SEPTIN14: variants seen among roughly 807,000 people sequenced by gnomAD.
The protein encoded by SEPTIN14 is septin-14.
A neutral mutation model predicts 53.6 loss-of-function variants in SEPTIN14; 40 were observed. That is an observed-to-expected ratio of 0.75 (90% confidence interval 0.58 to 0.97). The LOEUF is 0.97. SEPTIN14 is among the 50% of genes least tolerant of loss of function. The probability of loss-of-function intolerance (pLI) is 0.00; values close to 1 mark genes in which losing one functional copy is unlikely to be tolerated. For synonymous variants in SEPTIN14, 138 were observed against 166.8 expected (o/e 0.83, Z 1.33); for missense variants, 471 against 508.2 (o/e 0.93, Z 0.70).
chr7:55,852,139 CA>C (rs61390006), intron 2 of SEPTIN14, among the ~76,000 whole-genome samples: 34,368 of 115,372 alleles, frequency 0.3, 4,638 homozygotes, highest in East Asian at 0.49. Context: ...GAGACTCTGT[CA>C]AAAAAAAAAA....
chr7:55,824,086 G>C (rs1219779239), intron 6 of SEPTIN14, among the ~76,000 whole-genome samples: 1 of 152,058 alleles, frequency 6.6e-6, no homozygotes, highest in Non-Finnish European at 1.5e-5. Context: ...ATTTAGCAAT[G>C]ACTTCATCGA....
At chr7:55,819,931 A>G (rs2098202234) in intron 6 of SEPTIN14, among the ~76,000 whole-genome samples, 1 of 151,748 alleles carries the variant, frequency 6.6e-6, no homozygotes, top group African/African-American at 2.4e-5. Context: ...AACAACTACA[A>G]CTATTATAAT....
At chr7:55,803,917 G>A (rs1422759258) in intron 9 of SEPTIN14, among the ~76,000 whole-genome samples, 1 of 149,080 alleles carries the variant, frequency 6.7e-6, no homozygotes. Flanking sequence ...GAGGTCAGGA[G>A]ATCGAGATCA....
In SEPTIN14 at chr7:55,834,472, G is replaced by A; in HGVS notation, c.673C>T (p.Leu225Phe). ...LISNGIQIYQ[L>F]PTDEETAAQA... ...GCAGCAGTTTCTTCATCTGTTGGGA[G>A]CTGATATATCTGGATGCCATTGCTA... is the stretch of plus-strand genomic sequence containing the variant. The change falls in exon 6 of 10, where the codon CTC becomes TTC. Residue 225 changes from leucine to phenylalanine, a missense_variant. By Grantham distance (22) the Leu-to-Phe change is conservative. Transcript: ENST00000388975. 2 of 1,612,864 alleles carry A rather than the reference G, an allele frequency of 1.2e-6. No homozygotes were observed. Among genetic ancestry groups the A allele is most frequent in the South Asian group, 2.2e-5 (2 of 90,918 alleles).
chr7:55,847,377 T>C (rs1166744770), intron 2 of SEPTIN14, among the ~76,000 whole-genome samples: 1 of 152,170 alleles, frequency 6.6e-6, no homozygotes, highest in Non-Finnish European at 1.5e-5. Context: ...CCACACATGT[T>C]AATCCAGATG....
intron 7 of SEPTIN14, among the ~76,000 whole-genome samples, chr7:55,809,869 G>C (rs1429104637): frequency 8.3e-6 from 1 of 120,468 alleles, no homozygotes; most frequent in Non-Finnish European, 1.6e-5. Flanking sequence ...GTCTCACTCT[G>C]TTGCCCAGGC....
chr7:55,845,565 A>G (rs1789388011), intron 3 of SEPTIN14, among the ~76,000 whole-genome samples: 1 of 152,232 alleles, frequency 6.6e-6, no homozygotes, highest in South Asian at 2.1e-4. Context: ...CATCATAAAA[A>G]AATGATAAGT....
At chr7:55,817,409 A>G (rs1788810951) in intron 7 of SEPTIN14, among the ~76,000 whole-genome samples, 1 of 151,888 alleles carries the variant, frequency 6.6e-6, no homozygotes, top group Non-Finnish European at 1.5e-5. Context: ...AGGTAAGAAC[A>G]AGTTAAAGAG....
intron 9 of SEPTIN14, 95 bp from the exon 10 acceptor site, chr7:55,796,187 C>A: frequency 2.6e-6 from 2 of 769,196 alleles, no homozygotes; most frequent in Non-Finnish European, 4.4e-6. Flanking sequence ...AAACCCAAAT[C>A]ATCACAGTAG....
chr7:55,835,255 T>G (rs529632458), intron 5 of SEPTIN14, among the ~76,000 whole-genome samples: 2 of 151,892 alleles, frequency 1.3e-5, no homozygotes, highest in African/African-American at 4.8e-5. Context: ...GGCTCTGGAG[T>G]GCAGTAGCGC....
chr7:55,835,781 C>T (rs1789195229), intron 5 of SEPTIN14, among the ~76,000 whole-genome samples: 1 of 151,970 alleles, frequency 6.6e-6, no homozygotes. Flanking sequence ...CTTGCTCTGT[C>T]GCCCAGGCTG....
At chr7:55,802,939 A>AT (rs552397102) in intron 9 of SEPTIN14, among the ~76,000 whole-genome samples, 223 of 148,940 alleles carry the variant, frequency 1.5e-3, no homozygotes, top group East Asian at 2.2e-3. Context: ...ATGAAACTGA[A>AT]CTTTTTTTTT....
At position 55,835,352 on chromosome 7, in the gene SEPTIN14, A is replaced by G. The variant is rs553493334; in HGVS notation, c.559-766T>C. ...CGAGTAGCTGGGACTACAGGCGCCC[A>G]CCACCATGCCCGGCTACTTTTTGGT... On this transcript the variant is annotated intron_variant, in intron 5 of 9. Transcript: ENST00000388975. Among the ~76,000 whole-genome samples the G allele has an allele frequency of 2.2e-3, 337 of 151,408 alleles. 2 individuals are homozygous for G. The highest frequency in any genetic ancestry group is 7.8e-3 in the African/African-American group (323 of 41,256).
chr7:55,810,840 C>T, intron 7 of SEPTIN14: 1 of 300,428 alleles, frequency 3.3e-6, no homozygotes, highest in Admixed American at 4.0e-5. Flanking sequence ...CATGAAGACC[C>T]TCGAGTCAAA....
intron 7 of SEPTIN14, among the ~76,000 whole-genome samples, chr7:55,808,014 AT>A (rs1321026200): frequency 6.6e-6 from 1 of 152,210 alleles, no homozygotes. Context: ...TAAGGCAAAT[AT>A]TAGCAGACCT....
At chr7:55,805,190 A>T in intron 9 of SEPTIN14, 68 bp downstream of exon 9, 2 of 1,427,750 alleles carry the variant, frequency 1.4e-6, no homozygotes, top group East Asian at 4.6e-5. Flanking sequence ...AACTCTTGAG[A>T]TTAAAACCCC....
intron 9 of SEPTIN14, among the ~76,000 whole-genome samples, chr7:55,801,629 G>T (rs1340292380): frequency 6.6e-6 from 1 of 152,088 alleles, no homozygotes; most frequent in Non-Finnish European, 1.5e-5. Flanking sequence ...ATTTAAAATG[G>T]AAATAATAGG....
chr7:55,844,638 A>C lies in SEPTIN14; in HGVS notation c.256T>G (p.Tyr86Asp). The C allele has an allele frequency of 6.2e-7, 1 of 1,608,014 alleles. No individual in the cohort carries two copies. The highest frequency in any genetic ancestry group is 8.5e-7 in the Non-Finnish European group (1 of 1,174,850). ...NLKDNKSSHF[Y>D]SNVGLQIQTY... is the part of the protein sequence containing the mutation. ...TGAATTTGAAGTCCAACATTTGAGTAAAAATGTGAGGATTTGTTATCTTTC... is the reference window on the plus strand; with the variant it reads ...TGAATTTGAAGTCCAACATTTGAGTCAAAATGTGAGGATTTGTTATCTTTC... The change falls in exon 4 of 10, where the codon TAC becomes GAC. Residue 86 changes from tyrosine to aspartate, a missense_variant. Tyr to Asp is a radical substitution (Grantham distance 160). Coordinates refer to ENST00000388975, the MANE Select transcript of SEPTIN14 (RefSeq NM_207366.3).
Position 55,836,993 on chromosome 7 carries a change from A to G in SEPTIN14, c.559-2407T>C, listed in dbSNP as rs112851076. ...AATAAAGATGTCTTCAACTAATTTA[A>G]GTTGAAGACAGCATGTTTTGTTAGG... On this transcript the variant is annotated intron_variant, in intron 5 of 9. Transcript: ENST00000388975. 5.7e-3 allele frequency among the ~76,000 whole-genome samples: 863 copies of G among 152,330 alleles called. 10 individuals are homozygous for G. Among genetic ancestry groups the G allele is most frequent in the African/African-American group, 0.019 (801 of 41,582 alleles).
Sources: gnomAD v4.1 joint callset for allele counts (sites outside exome capture counted in the v4.1 genomes callset) on GRCh38, gnomAD v4.1.1 for gene constraint, MANE v1.5 for transcripts, NCBI Gene and HGNC (gene_info 2026-07-23, HGNC 2026-07-21) for gene names.